Variants in KCNH8 observed in about 807,000 individuals in gnomAD.
KCNH8 encodes the protein potassium voltage-gated channel subfamily H member 8.
In KCNH8, 70 loss-of-function variants were observed where a neutral mutation model predicts 103.6. The ratio of observed to expected loss-of-function variants is 0.68; its 90% CI spans 0.56 to 0.82. The LOEUF is 0.82. Ranked by LOEUF, KCNH8 falls within the 40% of genes least tolerant of loss-of-function variation. The pLI, the probability that KCNH8 is intolerant of heterozygous loss-of-function variation, is 0.00. For synonymous variants in KCNH8, 498 were observed against 489.4 expected, an observed-to-expected ratio of 1.02 and a Z score of -0.23; for missense variants, 1,217 against 1,329.9, an observed-to-expected ratio of 0.92 and a Z score of 1.32.
intron 1 of KCNH8, among the ~76,000 whole-genome samples, chr3:19,172,022 C>G (rs145805228): frequency 9.9e-4 from 151 of 152,198 alleles, no homozygotes; most frequent in Non-Finnish European, 1.4e-3. Context: ...ACAAAGACTC[C>G]CACTGTGTAG....
intron 6 of KCNH8, among the ~76,000 whole-genome samples, chr3:19,394,472 G>T (rs528880921): frequency 1.3e-5 from 2 of 149,394 alleles, no homozygotes; most frequent in African/African-American, 4.9e-5. Flanking sequence ...GTCTGAGAGA[G>T]CGCTGAGAGA....
intron 1 of KCNH8, among the ~76,000 whole-genome samples, chr3:19,224,462 T>C (rs967062575): frequency 6.6e-6 from 1 of 152,102 alleles, no homozygotes; most frequent in East Asian, 1.9e-4. Context: ...TTTTTAATGA[T>C]TTGAAGTGTA....
At chr3:19,494,641 T>C (rs1262186870) in intron 11 of KCNH8, among the ~76,000 whole-genome samples, 1 of 152,348 alleles carries the variant, frequency 6.6e-6, no homozygotes, top group Admixed American at 6.5e-5. Flanking sequence ...TTTGCTATTG[T>C]GAACAGTGCT....
At chr3:19,246,008 A>G (rs534874434) in intron 1 of KCNH8, among the ~76,000 whole-genome samples, 43 of 152,310 alleles carry the variant, frequency 2.8e-4, no homozygotes, top group African/African-American at 8.2e-4. Flanking sequence ...AATTAGTACA[A>G]TTCAACACTA....
intron 3 of KCNH8, among the ~76,000 whole-genome samples, chr3:19,290,139 A>AT (rs2064897273): frequency 6.6e-6 from 1 of 152,178 alleles, no homozygotes; most frequent in South Asian, 2.1e-4. Flanking sequence ...GCTTAAGGAG[A>AT]TTTTGGGCTG....
chr3:19,156,590 A>G (rs1184488234), intron 1 of KCNH8, among the ~76,000 whole-genome samples: 1 of 152,174 alleles, frequency 6.6e-6, no homozygotes, highest in Non-Finnish European at 1.5e-5. Flanking sequence ...TGTGCAAAGC[A>G]GTTTAGCTCA....
rs139679519 is a variant in KCNH8, at chr3:19,409,094, GA to G, written c.1177+13790del. ...TAGACTATCCAAGGTCAGCACTATA[GA>G]AAAAAACTTAAAGGCAGCTAGAGGA... On this transcript the variant is annotated intron_variant, in intron 7 of 15. Coordinates refer to ENST00000328405, the MANE Select transcript of KCNH8 (RefSeq NM_144633.3). Among the ~76,000 whole-genome samples the G allele has an allele frequency of 7.8e-3, 1,180 of 151,784 alleles. 18 individuals carry two copies. The highest frequency in any genetic ancestry group is 0.027 in the African/African-American group (1,109 of 41,434).
intron 11 of KCNH8, among the ~76,000 whole-genome samples, chr3:19,494,019 A>G (rs1049293509): frequency 1.3e-5 from 2 of 151,950 alleles, no homozygotes; most frequent in Non-Finnish European, 1.5e-5. Context: ...CTTCACCCTC[A>G]AGTAGGCCCC....
chr3:19,399,379 T>G (rs2066574631), intron 7 of KCNH8, among the ~76,000 whole-genome samples: 1 of 151,970 alleles, frequency 6.6e-6, no homozygotes, highest in African/African-American at 2.4e-5. Flanking sequence ...ATATATTATT[T>G]TAGCTACTAT....
intron 3 of KCNH8, among the ~76,000 whole-genome samples, chr3:19,329,957 C>T (rs1270528300): frequency 6.7e-6 from 1 of 149,518 alleles, no homozygotes; most frequent in Non-Finnish European, 1.5e-5. Flanking sequence ...TTTGGAAACT[C>T]TTCTGTGATT....
chr3:19,271,899 C>A (rs2064593690), intron 2 of KCNH8, among the ~76,000 whole-genome samples: 1 of 151,972 alleles, frequency 6.6e-6, no homozygotes, highest in Non-Finnish European at 1.5e-5. Flanking sequence ...ATTTAGTGTT[C>A]TTTGGAAGTA....
chr3:19,167,486 T>C (rs2063297227), intron 1 of KCNH8, among the ~76,000 whole-genome samples: 2 of 152,218 alleles, frequency 1.3e-5, no homozygotes, highest in Admixed American at 1.3e-4. Context: ...ATCTATTGAA[T>C]CATATTTTTT....
intron 11 of KCNH8, among the ~76,000 whole-genome samples, chr3:19,507,207 G>T (rs968270275): frequency 6.6e-6 from 1 of 152,206 alleles, no homozygotes; most frequent in Non-Finnish European, 1.5e-5. Context: ...TGTGCTTGGA[G>T]CACAGGTGAA....
intron 7 of KCNH8, among the ~76,000 whole-genome samples, chr3:19,403,700 C>T (rs2066650672): frequency 6.6e-6 from 1 of 151,332 alleles, no homozygotes; most frequent in African/African-American, 2.4e-5. Flanking sequence ...TATTTTTAAC[C>T]AAAACAGACA....
chr3:19,288,848 A>C (rs1251293712), intron 3 of KCNH8, among the ~76,000 whole-genome samples: 1 of 152,188 alleles, frequency 6.6e-6, no homozygotes, highest in Admixed American at 6.5e-5. Context: ...TCCCACCAAC[A>C]GTGTAAAAGT....
At chr3:19,292,999 T>C (rs929071624) in intron 3 of KCNH8, among the ~76,000 whole-genome samples, 1 of 152,236 alleles carries the variant, frequency 6.6e-6, no homozygotes, top group African/African-American at 2.4e-5. Flanking sequence ...TAAGCTTTTA[T>C]ATCTCTAAAA....
intron 2 of KCNH8, among the ~76,000 whole-genome samples, chr3:19,257,982 C>A (rs2064367992): frequency 6.6e-6 from 1 of 152,028 alleles, no homozygotes. Context: ...TCTCTGCCTT[C>A]ATCTTTACAT....
chr3:19,366,441 G>C (rs543236480), intron 5 of KCNH8, among the ~76,000 whole-genome samples: 45 of 152,176 alleles, frequency 3.0e-4, no homozygotes, highest in African/African-American at 9.9e-4. Context: ...ACTGTAAATA[G>C]ACTATGAGAA....
Position 19,456,894 on chromosome 3 carries a change from T to C in KCNH8, c.1952T>C (p.Leu651Pro). ...ATCCTCAAAGGACTCTTTGAAGTGC[T>C]AGACCTTTACCCAGAATATGCTCAC... Reference protein sequence around the residue: ...CIILKGLFEVLDLYPEYAHKF... With the variant: ...CIILKGLFEVPDLYPEYAHKF... Residue 651 changes from leucine to proline, a missense_variant, in exon 11 of 16, where the codon CTA (leucine) becomes CCA (proline). Physicochemically the swap from Leu to Pro is moderately conservative, Grantham distance 98. This residue lies in a region of KCNH8 where 415 missense variants were observed against 577.4 expected (regional missense o/e 0.72). Transcript: ENST00000328405. The C allele has an allele frequency of 6.2e-7, 1 of 1,612,596 alleles. No homozygotes were observed. The highest frequency in any genetic ancestry group is 8.5e-7 in the Non-Finnish European group (1 of 1,178,954).
Sources: gnomAD v4.1 joint callset for allele counts (sites outside exome capture counted in the v4.1 genomes callset) on GRCh38, gnomAD v4.1.1 for gene constraint, gnomAD v4.1.1 regional missense constraint, MANE v1.5 for transcripts, NCBI Gene and HGNC (gene_info 2026-07-23, HGNC 2026-07-21) for gene names.